Variants in FBXW11 observed in about 807,000 individuals in gnomAD.
FBXW11 encodes the protein F-box/WD repeat-containing protein 11.
A neutral mutation model predicts 77.6 loss-of-function variants in FBXW11; 19 were observed. The ratio of observed to expected loss-of-function variants is 0.24; its 90% CI spans 0.17 to 0.36. The LOEUF is 0.36. Among genes scored for constraint, FBXW11 ranks in the 10% least tolerant of loss-of-function variants. FBXW11 has a pLI of 1.00. For synonymous variants in FBXW11, 235 were observed against 249.4 expected (o/e 0.94, Z 0.54); for missense variants, 334 against 704.2 (o/e 0.47, Z 5.95).
intron 3 of FBXW11, among the ~76,000 whole-genome samples, chr5:171,911,867 C>G (rs1760903903): frequency 6.6e-6 from 1 of 152,156 alleles, no homozygotes; most frequent in African/African-American, 2.4e-5. Flanking sequence ...GCAGTAACCT[C>G]CCTGTCTAAA....
intron 7 of FBXW11, among the ~76,000 whole-genome samples, chr5:171,881,849 A>G (rs1256734892): frequency 6.6e-6 from 1 of 152,200 alleles, no homozygotes; most frequent in Non-Finnish European, 1.5e-5. Flanking sequence ...TAAATTATCA[A>G]ATTTGTAAAC....
chr5:172,006,578 C>A lies in FBXW11; in HGVS notation c.-76G>T, dbSNP rs765866162. On this transcript the variant is annotated 5_prime_UTR_variant, in exon 1 of 14. Coordinates refer to ENST00000517395, the MANE Select transcript of FBXW11 (RefSeq NM_001378974.1). ...CGGGCGGAGGAGGCGACGGCGGAGG[C>A]GGCAGAGGCGGAGGCGGCTATCGCA... 1.8e-5 allele frequency: 25 copies of A among 1,418,772 alleles called. No homozygotes were observed. Among genetic ancestry groups the A allele is most frequent in the Non-Finnish European group, 2.3e-5 (25 of 1,084,112 alleles). The allele number at this position is 1,418,772 out of a possible 1,614,324, so 87.9% of individuals were successfully genotyped here. A position where few individuals can be genotyped will look rare whatever the true frequency, so the allele number is the denominator to read the frequency against.
chr5:171,932,056 G>A (rs1016283543), intron 2 of FBXW11, among the ~76,000 whole-genome samples: 2 of 151,850 alleles, frequency 1.3e-5, no homozygotes, highest in Non-Finnish European at 1.5e-5. Context: ...TGTATATTTT[G>A]TGGAGATGAG....
chr5:171,940,159 T>C (rs1289624009), intron 2 of FBXW11, among the ~76,000 whole-genome samples: 1 of 152,142 alleles, frequency 6.6e-6, no homozygotes, highest in African/African-American at 2.4e-5. Context: ...ATTCTGGGGT[T>C]GAGCAAGTGA....
At chr5:171,985,461 A>C (rs761347155) in intron 1 of FBXW11, among the ~76,000 whole-genome samples, 1 of 152,024 alleles carries the variant, frequency 6.6e-6, no homozygotes, top group Non-Finnish European at 1.5e-5. Context: ...AGTATCTAAA[A>C]AAAATTATAA....
intron 9 of FBXW11, among the ~76,000 whole-genome samples, chr5:171,874,168 TA>T (rs1757928500): frequency 1.3e-5 from 2 of 152,238 alleles, no homozygotes; most frequent in Admixed American, 1.3e-4. Flanking sequence ...AACTCAATAA[TA>T]AAAAGGCAAA....
At chr5:171,894,820 A>T (rs1278731917) in intron 6 of FBXW11, among the ~76,000 whole-genome samples, 2 of 151,950 alleles carry the variant, frequency 1.3e-5, no homozygotes, top group African/African-American at 4.8e-5. Context: ...GAAGAGTAAT[A>T]TCTACTCCCT....
chr5:171,874,546 G>C (rs1163328180), intron 9 of FBXW11, among the ~76,000 whole-genome samples: 1 of 152,110 alleles, frequency 6.6e-6, no homozygotes, highest in Non-Finnish European at 1.5e-5. Context: ...TGCAAAGCCT[G>C]ATGCTACACA....
intron 2 of FBXW11, among the ~76,000 whole-genome samples, chr5:171,945,618 C>G (rs1762967273): frequency 1.3e-5 from 2 of 152,148 alleles, no homozygotes. Flanking sequence ...ACTTATAGTT[C>G]TTCCACAAAT....
In FBXW11 at chr5:171,886,957, T is replaced by C. The variant is rs191694036; in HGVS notation, c.852+4510A>G. On this transcript the variant is annotated intron_variant, in intron 7 of 13. Coordinates refer to ENST00000517395, the MANE Select transcript of FBXW11 (RefSeq NM_001378974.1). ...TCACTTGAACCCAGGAGGTGGAGGT[T>C]GCAGTGAGCCGAAATCATGCCACTG... Among the ~76,000 whole-genome samples the C allele has an allele frequency of 2.2e-3, 332 of 152,080 alleles. 1 individual carries two copies. The highest frequency in any genetic ancestry group is 3.3e-3 in the Non-Finnish European group (223 of 67,976).
intron 1 of FBXW11, among the ~76,000 whole-genome samples, chr5:171,964,195 T>C (rs997613992): frequency 2.6e-5 from 4 of 152,204 alleles, no homozygotes; most frequent in African/African-American, 9.6e-5. Flanking sequence ...AACCAGCACT[T>C]ACCAACTTTC....
chr5:172,006,529 C>G lies in FBXW11; in HGVS notation c.-27G>C. 6.7e-7 allele frequency: 1 copy of G among 1,497,822 alleles called. No individual in the cohort carries two copies. Among genetic ancestry groups the G allele is most frequent in the Non-Finnish European group, 8.9e-7 (1 of 1,121,980 alleles). The allele number at this position is 1,497,822 out of a possible 1,614,324, so 92.8% of individuals were successfully genotyped here. ...GCGGCCCCGGCGGCCCCGCCTCGCT[C>G]TCCCCGCGCAGCAGCGAACGGCCCG... On this transcript the variant is annotated 5_prime_UTR_variant, in exon 1 of 14. Transcript: ENST00000517395.
rs112677047 is a variant in FBXW11, at chr5:171,882,502, C to T, written c.853-4373G>A. Among the ~76,000 whole-genome samples the T allele has an allele frequency of 7.2e-3, 1,098 of 152,082 alleles. 10 individuals carry two copies. Among genetic ancestry groups the T allele is most frequent in the African/African-American group, 0.025 (1,045 of 41,472 alleles). On this transcript the variant is annotated intron_variant, in intron 7 of 13. Transcript: ENST00000517395. The stretch of plus-strand genomic sequence containing the variant: ...AATTTTTTTGTAGAGACAGGGTCTC[C>T]CTATGTTTCCCAGGCTTGTCTCAAA...
intron 1 of FBXW11, among the ~76,000 whole-genome samples, chr5:171,990,097 G>A (rs982495932): frequency 7.9e-5 from 12 of 151,540 alleles, no homozygotes; most frequent in African/African-American, 2.9e-4. Flanking sequence ...AAAAGACAGA[G>A]TAAGAGAGGG....
rs758044092 is a variant in FBXW11 at position 171,914,420 on chromosome 5, A to G, written c.148-15T>C. The G allele has an allele frequency of 6.4e-7, 1 of 1,567,440 alleles. No individual in the cohort carries two copies. The highest frequency in any genetic ancestry group is 8.6e-7 in the Non-Finnish European group (1 of 1,164,558). On this transcript the variant is annotated splice_polypyrimidine_tract_variant and intron_variant, in intron 2 of 13. Coordinates refer to ENST00000517395, the MANE Select transcript of FBXW11 (RefSeq NM_001378974.1). ...ACTGAAGTGTTCTAGGGGGGGAAAA[A>G]CAGGTTATTTGAATTATACCAAGTT...
At chr5:171,943,331 T>C (rs191443983) in intron 2 of FBXW11, among the ~76,000 whole-genome samples, 3 of 152,316 alleles carry the variant, frequency 2.0e-5, no homozygotes, top group African/African-American at 7.2e-5. Flanking sequence ...AGTAACTCCA[T>C]TCTAAGTGAA....
chr5:171,878,190 C>G, intron 7 of FBXW11, 61 bp from the exon 8 acceptor site: 1 of 1,148,836 alleles, frequency 8.7e-7, no homozygotes, highest in Non-Finnish European at 1.3e-6. Context: ...ATGAATGTTA[C>G]TGTCCCACCT....
At chr5:171,951,120 A>T (rs1332546874) in intron 2 of FBXW11, among the ~76,000 whole-genome samples, 1 of 152,102 alleles carries the variant, frequency 6.6e-6, no homozygotes, top group African/African-American at 2.4e-5. Flanking sequence ...TGACCAAGCA[A>T]TTACACATAC....
chr5:171,947,341 T>A (rs1241495905), intron 2 of FBXW11, among the ~76,000 whole-genome samples: 1 of 152,232 alleles, frequency 6.6e-6, no homozygotes, highest in Non-Finnish European at 1.5e-5. Flanking sequence ...TTATTTCTAT[T>A]ATAATCATAC....
Sources: gnomAD v4.1 joint callset for allele counts (sites outside exome capture counted in the v4.1 genomes callset) on GRCh38, gnomAD v4.1.1 for gene constraint, MANE v1.5 for transcripts, NCBI Gene and HGNC (gene_info 2026-07-23, HGNC 2026-07-21) for gene names.